The following RYR1 variants were observed in gnomAD, a reference collection of about 807,000 sequenced individuals.
RYR1 encodes central core disease of muscle.
A neutral mutation model predicts 583.5 loss-of-function variants in RYR1; 342 were observed. The ratio of observed to expected loss-of-function variants is 0.59; its 90% CI spans 0.54 to 0.64. RYR1 has a LOEUF of 0.64. Ranked by LOEUF, RYR1 falls within the 30% of genes least tolerant of loss-of-function variation. The pLI, the probability that RYR1 is intolerant of heterozygous loss-of-function variation, is 0.00. For synonymous variants in RYR1, 2,791 were observed against 2,822.5 expected, an observed-to-expected ratio of 0.99 and a Z score of 0.35; for missense variants, 6,032 against 6,917.2, an observed-to-expected ratio of 0.87 and a Z score of 4.54.
At chr19:38,484,840 G>A (rs1202794236) in intron 33 of RYR1, among the ~76,000 whole-genome samples, 2 of 151,882 alleles carry the variant, frequency 1.3e-5, no homozygotes, top group Admixed American at 1.3e-4. Flanking sequence ...TGGCTTGGTG[G>A]CACACACATG....
At chr19:38,518,057 T>G (rs1600893214) in intron 66 of RYR1, among the ~76,000 whole-genome samples, 1 of 152,174 alleles carries the variant, frequency 6.6e-6, no homozygotes, top group African/African-American at 2.4e-5. Context: ...AGTTGGAGGC[T>G]GCAGTGAGCT....
intron 89 of RYR1, among the ~76,000 whole-genome samples, chr19:38,552,232 A>T (rs555150314): frequency 1.9e-4 from 28 of 151,036 alleles, no homozygotes; most frequent in African/African-American, 6.6e-4. Context: ...GATTACCAGC[A>T]TAAGCTACCA....
At chr19:38,578,286 C>A in intron 99 of RYR1, 82 bp downstream of exon 99, 2 of 1,398,616 alleles carry the variant, frequency 1.4e-6, no homozygotes, top group Non-Finnish European at 2.0e-6. Context: ...TGTTCCTGAC[C>A]AAAGAATGAC....
At chr19:38,532,761 A>G in intron 78 of RYR1, 25 bp downstream of exon 78, 1 of 1,611,992 alleles carries the variant, frequency 6.2e-7, no homozygotes, top group Non-Finnish European at 8.5e-7. Flanking sequence ...GAGGTCCTGG[A>G]GGGAAGGGAT....
chr19:38,578,813 C>CA (rs1974071399), intron 99 of RYR1, among the ~76,000 whole-genome samples: 1 of 151,358 alleles, frequency 6.6e-6, no homozygotes, highest in African/African-American at 2.4e-5. Context: ...AACAAAAACA[C>CA]AAAAAATTAG....
rs1376939452 is a variant in RYR1, at chr19:38,535,232, A to G, written c.11439+12A>G. On this transcript the variant is annotated intron_variant, in intron 80 of 105. Transcript: ENST00000359596. Reference sequence around the variant, plus strand: ...CTGAGGTCCAGCAGGTAACAGAGGCAAAGGGACTTCAGAAGAAGGCAAGGA... The same window carrying G: ...CTGAGGTCCAGCAGGTAACAGAGGCGAAGGGACTTCAGAAGAAGGCAAGGA... 3 of 1,614,134 alleles carry G rather than the reference A, an allele frequency of 1.9e-6. No homozygotes were observed. The highest frequency in any genetic ancestry group is 2.5e-6 in the Non-Finnish European group (3 of 1,180,002).
In RYR1 at chr19:38,499,777, T is replaced by C. The variant is rs1970019029; in HGVS notation, c.7170T>C (p.Pro2390=). Residue 2390 remains proline (P), a synonymous_variant, in exon 44 of 106, where the codon CCT becomes CCC. Transcript: ENST00000359596. The surrounding 1 kb of genome is among the most constrained non-coding windows in gnomAD (Gnocchi z 7.3). ...IEEAIRISED[P]ARDGPGIRRD... ...AGGCCATCCGCATCTCCGAGGACCC[T>C]GCGAGGGATGGCCCAGGCATCCGCA... 1 of 1,602,948 alleles carries C rather than the reference T, an allele frequency of 6.2e-7. No individual in the cohort carries two copies. The highest frequency in any genetic ancestry group is 1.3e-5 in the African/African-American group (1 of 74,798).
At chr19:38,493,307 G>T (rs1969640674) in intron 38 of RYR1, among the ~76,000 whole-genome samples, 1 of 152,046 alleles carries the variant, frequency 6.6e-6, no homozygotes. Context: ...TTAATGTTGG[G>T]CCAATGTGTT....
In RYR1 at chr19:38,561,051, AAAAAAAGAG is replaced by A; in HGVS notation, c.12283-60_12283-52del. 6.9e-7 allele frequency: 1 copy of A among 1,457,046 alleles called. No homozygotes were observed. The highest frequency in any genetic ancestry group is 9.3e-7 in the Non-Finnish European group (1 of 1,072,904). 90.3% of individuals were successfully genotyped at this position (1,457,046 alleles called of 1,614,324 possible). A position where few individuals can be genotyped will look rare whatever the true frequency, so the allele number is the denominator to read the frequency against. ...GCGAGACCTTGTCTTAAAAAAAAAA[AAAAAAAGAG>A]AGAGAATTGAGGCTCTCCAGGTCAC... On this transcript the variant is annotated intron_variant, in intron 89 of 105. Transcript: ENST00000359596. The surrounding 1 kb of genome is among the most constrained non-coding windows in gnomAD (Gnocchi z 4.8).
At chr19:38,457,137 C>T (rs1270430763) in intron 16 of RYR1, among the ~76,000 whole-genome samples, 3 of 147,964 alleles carry the variant, frequency 2.0e-5, no homozygotes, top group East Asian at 2.0e-4. Context: ...CCCCTAAAGA[C>T]ACAAGTTTGC....
Position 38,499,267 on chromosome 19 carries a change from G to A in RYR1, c.7027+24G>A. ...CGGTGAGGAGGGGGTGGCAGTGGCA[G>A]AGCGGGAAGTATGGAGTCACTGGTC... On this transcript the variant is annotated intron_variant, in intron 43 of 105. Coordinates refer to ENST00000359596, the MANE Select transcript of RYR1 (RefSeq NM_000540.3). The surrounding 1 kb of genome is among the most constrained non-coding windows in gnomAD (Gnocchi z 7.3). 6.2e-7 allele frequency: 1 copy of A among 1,614,110 alleles called. No homozygotes were observed. The highest frequency in any genetic ancestry group is 8.5e-7 in the Non-Finnish European group (1 of 1,180,004).
intron 95 of RYR1, 116 bp downstream of exon 95, chr19:38,572,386 C>A: frequency 9.7e-6 from 11 of 1,134,616 alleles, no homozygotes; most frequent in Non-Finnish European, 1.4e-5. Context: ...CAGAGGGGGC[C>A]TAGGGTTGGG....
Position 38,548,271 on chromosome 19 carries a change from G to A in RYR1, c.12133G>A (p.Asp4045Asn). ...CGGCATGATCGCCCGGCAGATGGTG[G>A]ACATGCTCGTGGAATCCTCATCCAA... ...VNGMIARQMV[D>N]MLVESSSNVE... The change falls in exon 89 of 106, where the codon GAC becomes AAC. Residue 4045 changes from aspartate (D) to asparagine (N), a missense_variant. Physicochemically the swap from Asp to Asn is conservative, Grantham distance 23. This residue lies in a region of RYR1 where 753 missense variants were observed against 759.6 expected (regional missense o/e 0.99). Coordinates refer to ENST00000359596, the MANE Select transcript of RYR1 (RefSeq NM_000540.3). 2 of 1,614,232 alleles carry A rather than the reference G, an allele frequency of 1.2e-6. No individual in the cohort carries two copies. Among genetic ancestry groups the A allele is most frequent in the South Asian group, 1.1e-5 (1 of 91,088 alleles).
In RYR1 at chr19:38,566,950, C is replaced by T. The variant is rs149455643; in HGVS notation, c.13477C>T (p.Pro4493Ser). 6 of 1,606,324 alleles carry T rather than the reference C, an allele frequency of 3.7e-6. No homozygotes were observed. The highest frequency in any genetic ancestry group is 5.1e-6 in the Non-Finnish European group (6 of 1,176,672). Reference sequence around the variant, plus strand: ...GGAGGAGCTCCCGCCAGAGCCAGAGCCCGAGCCGGAACCAGAGCTGGAGCC... The same window carrying T: ...GGAGGAGCTCCCGCCAGAGCCAGAGTCCGAGCCGGAACCAGAGCTGGAGCC... ...VEEELPPEPEPEPEPELEPEK... is the reference protein window; with the variant it reads ...VEEELPPEPESEPEPELEPEK... The change falls in exon 92 of 106, where the codon CCC (proline) becomes TCC (serine). Residue 4493 changes from proline to serine, a missense_variant. By Grantham distance (74) the Pro-to-Ser change is moderately conservative. Transcript: ENST00000359596.
At chr19:38,505,266 C>T (rs756291161) in intron 52 of RYR1, 43 bp from the exon 53 acceptor site, 1 of 1,437,136 alleles carries the variant, frequency 7.0e-7, no homozygotes, top group Non-Finnish European at 9.7e-7. Context: ...CGTGTGTCCC[C>T]AACTGCTGCC....
rs771547229 is a variant in RYR1, at chr19:38,506,846, C to G, written c.8710C>G (p.Leu2904Val). ...LEAKGGGTHP[L>V]LVPYDTLTAK... is the part of the protein sequence containing the mutation. ...CTCCCCAGGCGGTGGGACCCACCCC[C>G]TGCTGGTCCCCTACGACACGCTCAC... Residue 2904 changes from leucine (L) to valine (V), a missense_variant, in exon 57 of 106, where the codon CTG becomes GTG. Transcript: ENST00000359596. The G allele has an allele frequency of 6.2e-7, 1 of 1,614,092 alleles. No individual in the cohort carries two copies. The highest frequency in any genetic ancestry group is 1.1e-5 in the South Asian group (1 of 91,078).
chr19:38,488,791 C>G (rs1028639118), intron 34 of RYR1, among the ~76,000 whole-genome samples: 7 of 152,216 alleles, frequency 4.6e-5, no homozygotes, highest in Admixed American at 4.6e-4. Flanking sequence ...AGGTGTGAGC[C>G]TCGCCTCATG....
rs1600607729 is a variant in RYR1 at position 38,433,703 on chromosome 19, A to G, written c.-127A>G. 2.7e-6 allele frequency: 2 copies of G among 752,084 alleles called. No homozygotes were observed. The highest frequency in any genetic ancestry group is 4.7e-6 in the Non-Finnish European group (2 of 428,320). The allele number at this position is 752,084 out of a possible 1,614,324, so 46.6% of individuals were successfully genotyped here. A position where few individuals can be genotyped will look rare whatever the true frequency, so the allele number is the denominator to read the frequency against. On this transcript the variant is annotated 5_prime_UTR_variant, in exon 1 of 106. Transcript: ENST00000359596. ...GCGTGTACTCCTCGCAGTTCCATCTACCTCGCGGGTGCCTCTGGTGTCTCC... is the reference window on the plus strand; with the variant it reads ...GCGTGTACTCCTCGCAGTTCCATCTGCCTCGCGGGTGCCTCTGGTGTCTCC...
chr19:38,494,772 T>A, intron 39 of RYR1, 147 bp downstream of exon 39: 1 of 972,006 alleles, frequency 1.0e-6, no homozygotes, highest in African/African-American at 1.6e-5. Context: ...CTGGGTAATG[T>A]CTCCTTCCCT....
Sources: allele counts gnomAD v4.1 joint callset (sites outside exome capture counted in the v4.1 genomes callset), GRCh38; gene constraint gnomAD v4.1.1; regional missense constraint gnomAD v4.1.1; non-coding constraint Gnocchi (gnomAD v3.1); transcripts MANE v1.5; gene names NCBI Gene and HGNC (gene_info 2026-07-23, HGNC 2026-07-21).